The following CTNND2 variants were observed in gnomAD, a reference collection of about 807,000 sequenced individuals.
CTNND2 encodes the protein catenin delta 2, also known as catenin delta-2.
In CTNND2, 22 loss-of-function variants were observed where a neutral mutation model predicts 144.4. The observed-to-expected ratio is 0.15, with a 90% CI of 0.11 to 0.22. The LOEUF (loss-of-function observed/expected upper bound fraction) is 0.22. Among genes scored for constraint, CTNND2 ranks in the 10% least tolerant of loss-of-function variants. CTNND2 has a pLI of 1.00. For synonymous variants in CTNND2, 751 were observed against 695.6 expected (o/e 1.08, Z -1.25); for missense variants, 1,353 against 1,618.8 (o/e 0.84, Z 2.82).
intron 7 of CTNND2, among the ~76,000 whole-genome samples, chr5:11,371,602 T>A (rs1196904006): frequency 6.6e-6 from 1 of 152,232 alleles, no homozygotes; most frequent in Non-Finnish European, 1.5e-5. Flanking sequence ...CTCCAAAGTC[T>A]CCTTCCTAAT....
intron 2 of CTNND2, among the ~76,000 whole-genome samples, chr5:11,725,331 G>A (rs978086578): frequency 6.6e-6 from 1 of 152,128 alleles, no homozygotes; most frequent in Non-Finnish European, 1.5e-5. Flanking sequence ...AAAAAATAAG[G>A]TATAGTTGTT....
At chr5:11,563,810 A>AT (rs1164220115) in intron 3 of CTNND2, among the ~76,000 whole-genome samples, 1 of 152,098 alleles carries the variant, frequency 6.6e-6, no homozygotes, top group African/African-American at 2.4e-5. Flanking sequence ...AAATGCTGCA[A>AT]TTACAAAGTT....
intron 1 of CTNND2, among the ~76,000 whole-genome samples, chr5:11,820,247 T>A (rs1262734184): frequency 6.6e-6 from 1 of 152,196 alleles, no homozygotes; most frequent in Non-Finnish European, 1.5e-5. Context: ...CTGCCATTTA[T>A]GTATCTGTCA....
chr5:11,269,011 G>A (rs898734715), intron 9 of CTNND2, among the ~76,000 whole-genome samples: 17 of 152,224 alleles, frequency 1.1e-4, no homozygotes, highest in African/African-American at 3.9e-4. Context: ...TCCTTTTACC[G>A]AAACTTTTCC....
At chr5:11,628,284 A>G (rs1781257577) in intron 2 of CTNND2, among the ~76,000 whole-genome samples, 2 of 152,216 alleles carry the variant, frequency 1.3e-5, no homozygotes, top group South Asian at 4.1e-4. Context: ...CTTAAAAATC[A>G]TAATATGCAT....
chr5:11,106,060 A>G (rs1005826515), intron 14 of CTNND2, among the ~76,000 whole-genome samples: 8 of 152,254 alleles, frequency 5.3e-5, no homozygotes, highest in African/African-American at 9.6e-5. Flanking sequence ...TCCAAATGTC[A>G]TGAGGAGCAG....
chr5:11,691,320 C>T (rs1007946503), intron 2 of CTNND2, among the ~76,000 whole-genome samples: 3 of 151,210 alleles, frequency 2.0e-5, no homozygotes, highest in Non-Finnish European at 2.9e-5. Context: ...TGCAGTGAGC[C>T]GAGATTGCGC....
Position 10,973,834 on chromosome 5 carries a change from G to T in CTNND2, c.3418-121C>A, listed in dbSNP as rs1342539319. On this transcript the variant is annotated intron_variant, in intron 21 of 21. Coordinates refer to ENST00000304623, the MANE Select transcript of CTNND2 (RefSeq NM_001332.4). This position sits in a 1 kb window ranked among gnomAD's most constrained non-coding sequence, Gnocchi z 5.6. ...TGTGTATATCCAGGCATTCACCACTGTGGCCCTGCTTCTCCAAAACTGCCA... is the reference window on the plus strand; with the variant it reads ...TGTGTATATCCAGGCATTCACCACTTTGGCCCTGCTTCTCCAAAACTGCCA... The T allele has an allele frequency of 1.8e-6, 2 of 1,139,770 alleles. No individual in the cohort carries two copies. The highest frequency in any genetic ancestry group is 2.4e-6 in the Non-Finnish European group (2 of 838,386). 70.6% of individuals were successfully genotyped at this position (1,139,770 alleles called of 1,614,324 possible).
At chr5:11,441,609 C>A (rs561399317) in intron 3 of CTNND2, among the ~76,000 whole-genome samples, 4 of 150,548 alleles carry the variant, frequency 2.7e-5, no homozygotes, top group Admixed American at 2.6e-4. Context: ...GTCTCGAACT[C>A]CTGACCTGGT....
intron 1 of CTNND2, among the ~76,000 whole-genome samples, chr5:11,762,111 T>C (rs1789299713): frequency 6.6e-6 from 1 of 152,186 alleles, no homozygotes; most frequent in Non-Finnish European, 1.5e-5. Context: ...TATAACTGGA[T>C]GAAATCTCAA....
intron 16 of CTNND2, among the ~76,000 whole-genome samples, chr5:11,078,064 G>A (rs1163882218): frequency 6.6e-6 from 1 of 152,168 alleles, no homozygotes; most frequent in African/African-American, 2.4e-5. Flanking sequence ...AGGATCTGAG[G>A]TTCATGCTGG....
At chr5:11,479,208 T>A (rs1768020621) in intron 3 of CTNND2, among the ~76,000 whole-genome samples, 1 of 152,206 alleles carries the variant, frequency 6.6e-6, no homozygotes, top group African/African-American at 2.4e-5. Flanking sequence ...GTCCATGTGT[T>A]CTCATCATTC....
At chr5:11,355,799 C>T (rs1755809994) in intron 8 of CTNND2, among the ~76,000 whole-genome samples, 1 of 152,000 alleles carries the variant, frequency 6.6e-6, no homozygotes, top group Non-Finnish European at 1.5e-5. Context: ...ACTCCACACA[C>T]AAAACAAAGC....
chr5:11,077,111 C>A (rs868812679), intron 16 of CTNND2, among the ~76,000 whole-genome samples: 4 of 152,054 alleles, frequency 2.6e-5, no homozygotes, highest in African/African-American at 2.4e-5. Context: ...AGGAAATATT[C>A]GGTTCAGTCA....
chr5:11,355,021 C>T (rs911732476), intron 8 of CTNND2, among the ~76,000 whole-genome samples: 1 of 152,078 alleles, frequency 6.6e-6, no homozygotes, highest in Non-Finnish European at 1.5e-5. Context: ...AATTAAACGG[C>T]AAATTAAAAA....
In CTNND2 at chr5:11,022,921, G is replaced by A. The variant is rs983587829; in HGVS notation, c.2847C>T (p.Asn949=). 1.9e-6 allele frequency: 3 copies of A among 1,614,088 alleles called. No individual in the cohort carries two copies. Among genetic ancestry groups the A allele is most frequent in the Admixed American group, 1.7e-5 (1 of 60,008 alleles). Residue 949 remains asparagine, a synonymous_variant, in exon 17 of 22, where the codon AAC becomes AAT. Coordinates refer to ENST00000304623, the MANE Select transcript of CTNND2 (RefSeq NM_001332.4). ...CATCCGACATGGCCTTGCTTGCAGT[G>A]TTGTTGCTGTTGTTCCCTCCTGGAA... ...HRLPGGNNSN[N]TASKAMSDDT... is the part of the protein sequence containing the mutation.
chr5:11,238,841 C>G (rs1741922088), intron 9 of CTNND2, among the ~76,000 whole-genome samples: 3 of 152,074 alleles, frequency 2.0e-5, no homozygotes, highest in African/African-American at 7.2e-5. Context: ...AATGAACAAA[C>G]TATTGAATCC....
intron 17 of CTNND2, among the ~76,000 whole-genome samples, chr5:11,018,890 G>A (rs1303171522): frequency 6.6e-6 from 1 of 151,938 alleles, no homozygotes; most frequent in Non-Finnish European, 1.5e-5. Flanking sequence ...TGTATTTTTA[G>A]TAGAGATGGG....
intron 3 of CTNND2, among the ~76,000 whole-genome samples, chr5:11,491,091 T>C (rs1017774132): frequency 2.0e-5 from 3 of 152,224 alleles, no homozygotes; most frequent in Admixed American, 6.5e-5. Context: ...AATGTGACCA[T>C]CTGCTTCCAG....
Sources: allele counts gnomAD v4.1 joint callset (sites outside exome capture counted in the v4.1 genomes callset), GRCh38; gene constraint gnomAD v4.1.1; non-coding constraint Gnocchi (gnomAD v3.1); transcripts MANE v1.5; gene names NCBI Gene and HGNC (gene_info 2026-07-23, HGNC 2026-07-21).